The following STK32C variants were observed in gnomAD, a reference collection of about 807,000 sequenced individuals.
STK32C encodes serine/threonine-protein kinase 32C.
Under a neutral mutation model 56.5 loss-of-function variants are expected in STK32C, and 31 were observed. That is an observed-to-expected ratio of 0.55 (90% CI 0.41 to 0.74). The LOEUF is 0.74. Ranked by LOEUF, STK32C falls within the 30% of genes least tolerant of loss-of-function variation. STK32C has a pLI of 0.00. For synonymous variants in STK32C, 309 were observed against 289.4 expected (o/e 1.07, Z -0.69); for missense variants, 544 against 676.9 (o/e 0.80, Z 2.18).
chr10:132,311,412 T>C (rs1357243438), upstream of STK32C, among the ~76,000 whole-genome samples: 5 of 152,220 alleles, frequency 3.3e-5, no homozygotes, highest in Non-Finnish European at 1.5e-5. This position sits in a 1 kb window ranked among gnomAD's most constrained non-coding sequence, Gnocchi z 4.4. Flanking sequence ...GGAAGACAGA[T>C]GGCCGTGGCG....
chr10:132,305,171 G>GTGCCCAGTGCC (rs1428412229), intron 1 of STK32C, among the ~76,000 whole-genome samples: 13 of 152,236 alleles, frequency 8.5e-5, no homozygotes, highest in Non-Finnish European at 1.9e-4. Context: ...ATGGGAGCAT[G>GTGCCCAGTGCC]TGAGGGGCTG....
At chr10:132,282,231 G>A (rs1226532387) in intron 1 of STK32C, among the ~76,000 whole-genome samples, 3 of 152,234 alleles carry the variant, frequency 2.0e-5, no homozygotes, top group Non-Finnish European at 2.9e-5. Context: ...GAGAGGCTTC[G>A]CAGCCGCCCA....
At chr10:132,297,753 G>A (rs1028904803) in intron 1 of STK32C, among the ~76,000 whole-genome samples, 29 of 152,164 alleles carry the variant, frequency 1.9e-4, no homozygotes, top group Non-Finnish European at 4.0e-4. Flanking sequence ...CCAGAGCTCC[G>A]AGACTCCCCG....
intron 1 of STK32C, among the ~76,000 whole-genome samples, chr10:132,268,891 CG>C (rs1190334355): frequency 2.4e-5 from 3 of 123,778 alleles, no homozygotes; most frequent in Admixed American, 8.9e-5. Flanking sequence ...GTATGTGTGT[CG>C]GTGTGTGTGC....
chr10:132,298,476 G>C (rs892029495), intron 1 of STK32C, among the ~76,000 whole-genome samples: 2 of 152,184 alleles, frequency 1.3e-5, no homozygotes, highest in African/African-American at 4.8e-5. Context: ...CCGATGCGGG[G>C]TCCAGCTCCC....
rs1397289088 is a variant in STK32C, at chr10:132,227,066, A to ACC, written c.471-100_471-99dup. 6 of 1,381,702 alleles carry ACC rather than the reference A, an allele frequency of 4.3e-6. No individual in the cohort carries two copies. In the Admixed American group the frequency reaches 1.0e-4, roughly 23 times the overall value. The allele number at this position is 1,381,702 out of a possible 1,614,324, so 85.6% of individuals were successfully genotyped here. On this transcript the variant is annotated intron_variant, in intron 3 of 11. Transcript: ENST00000298630. The stretch of plus-strand genomic sequence containing the variant: ...CACTCCCCCTAAGGACCACAGCCCC[A>ACC]CCCCAGCATCAGCCACCAGGCATTC...
chr10:132,304,815 G>A (rs140490165), intron 1 of STK32C, among the ~76,000 whole-genome samples: 2,200 of 152,348 alleles, frequency 0.014, 44 homozygotes, highest in South Asian at 0.045. Context: ...AGGGCGGGCC[G>A]TCCACAGCCT....
At chr10:132,235,262 C>T (rs962584910) in intron 2 of STK32C, among the ~76,000 whole-genome samples, 15 of 152,022 alleles carry the variant, frequency 9.9e-5, no homozygotes, top group East Asian at 5.8e-4. Flanking sequence ...CTTTGAGAGG[C>T]GGAGGCGGGC....
chr10:132,327,039 A>C (rs970844269), intron 1 of STK32C, among the ~76,000 whole-genome samples: 2 of 152,226 alleles, frequency 1.3e-5, no homozygotes, highest in Non-Finnish European at 2.9e-5. Context: ...TTCTCTGGGC[A>C]AGATGGTATT....
chr10:132,212,723 C>T (rs111623109), intron 10 of STK32C, among the ~76,000 whole-genome samples: 31 of 152,368 alleles, frequency 2.0e-4, no homozygotes, highest in South Asian at 6.2e-4. Context: ...AACACAGAGA[C>T]GAGCAAGGAC....
At chr10:132,217,636 G>A (rs1020032095) in intron 10 of STK32C, among the ~76,000 whole-genome samples, 1 of 152,172 alleles carries the variant, frequency 6.6e-6, no homozygotes, top group Non-Finnish European at 1.5e-5. Flanking sequence ...TGTTGTGGGA[G>A]GAACCTGGTG....
intron 2 of STK32C, 78 bp from the exon 3 acceptor site, chr10:132,228,206 A>G (rs757485355): frequency 6.3e-7 from 1 of 1,596,672 alleles, no homozygotes; most frequent in Non-Finnish European, 8.6e-7. Flanking sequence ...ATGCATGGGG[A>G]TGCCTGGGGA....
intron 1 of STK32C, among the ~76,000 whole-genome samples, chr10:132,286,710 A>C (rs1464061142): frequency 6.6e-6 from 1 of 152,252 alleles, no homozygotes; most frequent in African/African-American, 2.4e-5. Flanking sequence ...TTAATAATTA[A>C]AAATATAAAA....
intron 1 of STK32C, among the ~76,000 whole-genome samples, chr10:132,305,574 T>C (rs1240195887): frequency 6.6e-6 from 1 of 152,150 alleles, no homozygotes; most frequent in African/African-American, 2.4e-5. Context: ...ACCAGGCAAA[T>C]GACTGCACCA....
chr10:132,270,925 A>G (rs2064797168), intron 1 of STK32C, among the ~76,000 whole-genome samples: 1 of 147,936 alleles, frequency 6.8e-6, no homozygotes, highest in Non-Finnish European at 1.5e-5. Flanking sequence ...CCCCCTCCAG[A>G]GCAACAGCCA....
At chr10:132,232,338 G>A (rs192520714) in intron 2 of STK32C, among the ~76,000 whole-genome samples, 71 of 152,204 alleles carry the variant, frequency 4.7e-4, no homozygotes, top group Admixed American at 9.2e-4. Flanking sequence ...GTGCTCTTAG[G>A]TGAAGACAAC....
intron 8 of STK32C, among the ~76,000 whole-genome samples, chr10:132,223,234 G>A (rs1162665726): frequency 1.3e-5 from 2 of 152,264 alleles, no homozygotes; most frequent in African/African-American, 4.8e-5. Context: ...CCTGGCGCCA[G>A]AGGACAGCAG....
At chr10:132,326,029 T>C (rs2066492694) in intron 1 of STK32C, among the ~76,000 whole-genome samples, 1 of 152,052 alleles carries the variant, frequency 6.6e-6, no homozygotes, top group African/African-American at 2.4e-5. Context: ...CGGTATGTCT[T>C]TATCAGCAGC....
At chr10:132,232,466 G>A (rs1565088110) in intron 2 of STK32C, among the ~76,000 whole-genome samples, 1 of 152,062 alleles carries the variant, frequency 6.6e-6, no homozygotes, top group East Asian at 1.9e-4. Context: ...CTCAGCACCC[G>A]AGATCACGCA....
Sources: allele counts gnomAD v4.1 joint callset (sites outside exome capture counted in the v4.1 genomes callset), GRCh38; gene constraint gnomAD v4.1.1; non-coding constraint Gnocchi (gnomAD v3.1); transcripts MANE v1.5; gene names NCBI Gene and HGNC (gene_info 2026-07-23, HGNC 2026-07-21).